WDR64: variants seen among roughly 807,000 people sequenced by gnomAD.
WDR64 encodes the protein WD repeat-containing protein 64.
In WDR64, 112 loss-of-function variants were observed where a neutral mutation model predicts 139.3. That is an observed-to-expected ratio of 0.80 (90% CI 0.69 to 0.94). The LOEUF (loss-of-function observed/expected upper bound fraction) is 0.94. WDR64 is among the 40% of genes least tolerant of loss of function. The probability of loss-of-function intolerance (pLI) is 0.00; values close to 1 mark genes in which losing one functional copy is unlikely to be tolerated. For synonymous variants in WDR64, 444 were observed against 437.7 expected (o/e 1.01, Z -0.18); for missense variants, 1,206 against 1,293.1 (o/e 0.93, Z 1.03).
At position 241,757,440 on chromosome 1, in the gene WDR64, ACTTTT is replaced by A. The variant is rs749816169; in HGVS notation, c.1931_1935del (p.Phe644SerfsTer4). On this transcript the variant is annotated frameshift_variant, in exon 15 of 28. Transcript: ENST00000437684. LOFTEE classifies it high-confidence loss of function. ...GATGTCGAGTTGATAGTTGAGAGGA[ACTTTT>A]CTCAACCTACTGATGTAAGTTTCCT... 6.2e-7 allele frequency: 1 copy of A among 1,610,026 alleles called. No homozygotes were observed. The highest frequency in any genetic ancestry group is 1.1e-5 in the South Asian group (1 of 89,940).
intron 10 of WDR64, among the ~76,000 whole-genome samples, chr1:241,726,362 G>C (rs1434051826): frequency 5.3e-5 from 8 of 152,012 alleles, no homozygotes; most frequent in Admixed American, 2.0e-4. Flanking sequence ...TTGAGCCCAG[G>C]AGTTCAAGAC....
intron 22 of WDR64, among the ~76,000 whole-genome samples, chr1:241,781,553 T>A (rs1658845477): frequency 1.3e-5 from 2 of 152,164 alleles, no homozygotes; most frequent in Admixed American, 1.3e-4. Context: ...TCTCCCGATA[T>A]TACTGATAAA....
chr1:241,770,528 C>G, intron 17 of WDR64, 93 bp from the exon 18 acceptor site: 1 of 1,093,992 alleles, frequency 9.1e-7, no homozygotes. Flanking sequence ...ATGAAAGAAG[C>G]AATCAGCTGA....
chr1:241,802,118 TTAA>T lies in WDR64; in HGVS notation c.*910_*912del, dbSNP rs924943741. The T allele has an allele frequency of 1.0e-5, 4 of 397,818 alleles. No individual in the cohort carries two copies. The highest frequency in any genetic ancestry group is 3.6e-5 in the East Asian group (1 of 27,958). 24.6% of individuals were successfully genotyped at this position (397,818 alleles called of 1,614,324 possible). On this transcript the variant is annotated 3_prime_UTR_variant, in exon 28 of 28. Coordinates refer to ENST00000437684, the MANE Select transcript of WDR64 (RefSeq NM_001367482.1). ...TCTTTATAAAAGTTTTATAAAGTTA[TTAA>T]TAATAACTCAAAAAAGGAAAAAGCC...
intron 2 of WDR64, among the ~76,000 whole-genome samples, chr1:241,669,957 T>G (rs1195910639): frequency 6.6e-6 from 1 of 152,184 alleles, no homozygotes; most frequent in Non-Finnish European, 1.5e-5. Context: ...TCCGGGTGGC[T>G]AGTATGCACA....
At chr1:241,687,439 C>T in intron 7 of WDR64, 22 bp from the exon 8 acceptor site, 3 of 1,612,748 alleles carry the variant, frequency 1.9e-6, no homozygotes, top group East Asian at 2.2e-5. Flanking sequence ...ATAAATCTCC[C>T]CTGCCTTTTC....
At chr1:241,720,841 TTGG>T (rs1026584288) in intron 9 of WDR64, among the ~76,000 whole-genome samples, 1 of 152,236 alleles carries the variant, frequency 6.6e-6, no homozygotes, top group African/African-American at 2.4e-5. Flanking sequence ...GCCATTGCCT[TTGG>T]TGTTTTTGTC....
intron 3 of WDR64, among the ~76,000 whole-genome samples, chr1:241,673,109 T>C (rs566612069): frequency 1.3e-5 from 2 of 150,830 alleles, no homozygotes; most frequent in East Asian, 4.0e-4. Flanking sequence ...ACACCGCATG[T>C]TCTCACTCAT....
intron 25 of WDR64, among the ~76,000 whole-genome samples, chr1:241,791,771 T>A (rs1270951270): frequency 2.0e-5 from 3 of 152,224 alleles, no homozygotes; most frequent in Non-Finnish European, 4.4e-5. Flanking sequence ...GTTCTTAACA[T>A]GAATCATATC....
chr1:241,698,490 C>CT (rs1159975797), intron 8 of WDR64, among the ~76,000 whole-genome samples: 1 of 152,184 alleles, frequency 6.6e-6, no homozygotes, highest in African/African-American at 2.4e-5. Flanking sequence ...CATCTCAATA[C>CT]TTTTCACAGT....
rs1289179883 is a variant in WDR64 at position 241,711,854 on chromosome 1, G to C, written c.1027G>C (p.Val343Leu). 1.2e-6 allele frequency: 2 copies of C among 1,614,054 alleles called. No individual in the cohort carries two copies. The highest frequency in any genetic ancestry group is 1.7e-6 in the Non-Finnish European group (2 of 1,180,046). ...PRGANTFCYC[V>L]KANVIVTGGD... ...AGGAGCCAACACTTTTTGCTACTGT[G>C]TTAAGGCAAATGTGATTGTCACTGG... Residue 343 changes from valine (V) to leucine (L), a missense_variant, in exon 9 of 28, where the codon GTT (valine) becomes CTT (leucine). Coordinates refer to ENST00000437684, the MANE Select transcript of WDR64 (RefSeq NM_001367482.1).
At chr1:241,678,392 A>G (rs764334059) in intron 5 of WDR64, among the ~76,000 whole-genome samples, 176 bp downstream of exon 5, 5 of 152,210 alleles carry the variant, frequency 3.3e-5, no homozygotes, top group African/African-American at 1.2e-4. Flanking sequence ...AACAGCAAAG[A>G]GGACCCAGGT....
chr1:241,784,397 G>GA (rs2148320197), intron 23 of WDR64, among the ~76,000 whole-genome samples: 1 of 152,286 alleles, frequency 6.6e-6, no homozygotes, highest in African/African-American at 2.4e-5. Flanking sequence ...AAGTGGTTTA[G>GA]ATTTGATGAT....
chr1:241,758,712 T>C (rs1256979486), intron 15 of WDR64, among the ~76,000 whole-genome samples: 2 of 152,180 alleles, frequency 1.3e-5, no homozygotes, highest in African/African-American at 4.8e-5. Context: ...GGCTCCTGAG[T>C]TCCTCTGATG....
At chr1:241,714,028 A>G (rs907249550) in intron 9 of WDR64, among the ~76,000 whole-genome samples, 3 of 152,198 alleles carry the variant, frequency 2.0e-5, no homozygotes, top group Admixed American at 6.5e-5. Context: ...TCAAGTGTTG[A>G]TTGGACATTC....
At chr1:241,779,686 C>G (rs144333842) in intron 21 of WDR64, among the ~76,000 whole-genome samples, 2 of 151,938 alleles carry the variant, frequency 1.3e-5, no homozygotes, top group Non-Finnish European at 2.9e-5. Flanking sequence ...AAAAATTAGC[C>G]GGGCGTGGTG....
At chr1:241,699,796 T>G (rs1331789349) in intron 8 of WDR64, among the ~76,000 whole-genome samples, 1 of 151,910 alleles carries the variant, frequency 6.6e-6, no homozygotes, top group Non-Finnish European at 1.5e-5. Context: ...GAGAACTGAG[T>G]GAGAGAAGAG....
rs142645830 is a variant in WDR64 at position 241,723,438 on chromosome 1, T to A, written c.1194+2T>A. 86 of 1,612,530 alleles carry A rather than the reference T, an allele frequency of 5.3e-5. No individual in the cohort carries two copies. In the Admixed American group the frequency reaches 6.4e-4, roughly 12 times the overall value. On this transcript the variant is annotated splice_donor_variant, in intron 10 of 27. Coordinates refer to ENST00000437684, the MANE Select transcript of WDR64 (RefSeq NM_001367482.1). LOFTEE classifies it high-confidence loss of function. ...GTCGTCAGCCTTTCCTCTGCAAAGG[T>A]AACAAAAAGAAAATAACAAAACAAA...
At chr1:241,677,261 A>T (rs761604044) in intron 4 of WDR64, 4 of 398,212 alleles carry the variant, frequency 1.0e-5, no homozygotes, top group Non-Finnish European at 1.8e-5. Flanking sequence ...ATATATAGAG[A>T]AAGAGAAACA....
Sources: allele counts gnomAD v4.1 joint callset (sites outside exome capture counted in the v4.1 genomes callset), GRCh38; gene constraint gnomAD v4.1.1; transcripts MANE v1.5; gene names NCBI Gene and HGNC (gene_info 2026-07-23, HGNC 2026-07-21).